ANK2: variants seen among roughly 807,000 people sequenced by gnomAD.
ANK2 encodes the protein ankyrin-2.
A neutral mutation model predicts 360.5 loss-of-function variants in ANK2; 83 were observed. The observed-to-expected ratio is 0.23, with a 90% CI of 0.19 to 0.28. The LOEUF is 0.28. ANK2 is among the 10% of genes least tolerant of loss of function. The probability of loss-of-function intolerance (pLI) is 1.00; values close to 1 mark genes in which losing one functional copy is unlikely to be tolerated. For synonymous variants in ANK2, 1,740 were observed against 1,759.5 expected (o/e 0.99, Z 0.28); for missense variants, 4,201 against 4,795.7 (o/e 0.88, Z 3.66).
intron 1 of ANK2, among the ~76,000 whole-genome samples, chr4:112,890,153 C>T (rs914327378): frequency 7.2e-5 from 11 of 152,274 alleles, no homozygotes; most frequent in Admixed American, 7.2e-4. Flanking sequence ...CTTTTTCTTC[C>T]TTTAAAAACA....
intron 1 of ANK2, among the ~76,000 whole-genome samples, chr4:112,857,949 TAACTC>T (rs771707170): frequency 6.6e-6 from 1 of 152,302 alleles, no homozygotes; most frequent in Admixed American, 6.5e-5. Flanking sequence ...AGCAAGGACT[TAACTC>T]AATAGGAAGT....
intron 1 of ANK2, among the ~76,000 whole-genome samples, chr4:113,142,221 T>C (rs181813863): frequency 6.6e-6 from 1 of 152,180 alleles, no homozygotes; most frequent in Non-Finnish European, 1.5e-5. Context: ...TTCCTTCAGT[T>C]TGACAAAATG....
chr4:113,050,494 T>A (rs1214774153), intron 1 of ANK2, among the ~76,000 whole-genome samples: 3 of 152,118 alleles, frequency 2.0e-5, no homozygotes, highest in African/African-American at 7.2e-5. Context: ...CACCCTCGAT[T>A]TTCATGGAAA....
At chr4:112,952,298 TA>T (rs1429662115) in intron 2 of ANK2, among the ~76,000 whole-genome samples, 1 of 152,228 alleles carries the variant, frequency 6.6e-6, no homozygotes, top group African/African-American at 2.4e-5. Context: ...GAGTGATGTT[TA>T]AAATGTATAT....
chr4:112,877,336 C>T (rs1227260162), intron 1 of ANK2, among the ~76,000 whole-genome samples: 1 of 152,152 alleles, frequency 6.6e-6, no homozygotes, highest in East Asian at 1.9e-4. Flanking sequence ...TTGCCTACTG[C>T]CTTTCTCTCT....
At chr4:112,791,723 A>G in the ANK2 span, among the ~76,000 whole-genome samples, 1 of 151,562 alleles carries the variant, frequency 6.6e-6, no homozygotes, top group East Asian at 1.9e-4. Context: ...CATCTCCTAG[A>G]CTTGTGATCC....
intron 2 of ANK2, among the ~76,000 whole-genome samples, chr4:112,991,009 T>C (rs2046547757): frequency 6.6e-6 from 1 of 152,148 alleles, no homozygotes; most frequent in South Asian, 2.1e-4. Flanking sequence ...CCCAGCACTT[T>C]GGGAGGCCAA....
rs147986566 is a variant in ANK2, at chr4:112,828,320, C to T, written c.-40+10056C>T. Among the ~76,000 whole-genome samples, 33 of 149,944 alleles carry T rather than the reference C, an allele frequency of 2.2e-4. No homozygotes were observed. In the East Asian group the frequency reaches 4.2e-3, roughly 19 times the overall value. ...TATAATCTTGGCTCACTGCAACCTC[C>T]GCCTCCTGGGTTCAAGCAATTCTCT... On this transcript the variant is annotated intron_variant, in intron 1 of 30. Transcript: ENST00000503271.
At chr4:113,142,291 C>G (rs2096661030) in intron 1 of ANK2, among the ~76,000 whole-genome samples, 1 of 152,142 alleles carries the variant, frequency 6.6e-6, no homozygotes, top group African/African-American at 2.4e-5. Flanking sequence ...TGGCAGCCAC[C>G]CTTGGTTAAC....
At chr4:113,379,693 T>C (rs866604353) in intron 45 of ANK2, among the ~76,000 whole-genome samples, 1 of 152,294 alleles carries the variant, frequency 6.6e-6, no homozygotes, top group Middle Eastern at 3.4e-3. Context: ...AGAACAAATT[T>C]AAGTTTGCTT....
intron 1 of ANK2, among the ~76,000 whole-genome samples, chr4:113,121,981 T>G (rs936249536): frequency 6.6e-6 from 1 of 152,172 alleles, no homozygotes; most frequent in Non-Finnish European, 1.5e-5. Flanking sequence ...GCAATGAAGA[T>G]TTTTAGAAGT....
the ANK2 span, among the ~76,000 whole-genome samples, chr4:112,779,776 T>G: frequency 6.6e-6 from 1 of 152,320 alleles, no homozygotes; most frequent in South Asian, 2.1e-4. Context: ...GAACATATCC[T>G]AAAGTAGGAG....
intron 22 of ANK2, 110 bp downstream of exon 22, chr4:113,293,648 CT>C: frequency 9.2e-7 from 1 of 1,081,742 alleles, no homozygotes; most frequent in Non-Finnish European, 1.4e-6. Flanking sequence ...TAGTTTTGAA[CT>C]TCTTTTTGTT....
intron 30 of ANK2, 189 bp from the exon 31 acceptor site, chr4:113,336,388 G>T: frequency 1.6e-6 from 1 of 625,380 alleles, no homozygotes; most frequent in Non-Finnish European, 2.7e-6. Context: ...AGAGATCGTG[G>T]ATCTTACAAA....
At chr4:112,732,765 T>A in the ANK2 span, among the ~76,000 whole-genome samples, 6 of 152,304 alleles carry the variant, frequency 3.9e-5, no homozygotes, top group Non-Finnish European at 8.8e-5. Context: ...AGAAAGAGCA[T>A]GAATCTATGC....
intron 2 of ANK2, among the ~76,000 whole-genome samples, chr4:112,956,306 A>G (rs1255430752): frequency 2.6e-5 from 4 of 152,214 alleles, no homozygotes; most frequent in African/African-American, 9.6e-5. Flanking sequence ...AATTCCATGG[A>G]TAGAACATTT....
chr4:112,979,013 T>C (rs1296564004), intron 2 of ANK2, among the ~76,000 whole-genome samples: 2 of 152,192 alleles, frequency 1.3e-5, no homozygotes, highest in Non-Finnish European at 2.9e-5. Flanking sequence ...AGCATAACAA[T>C]GTCACAGGAT....
intron 13 of ANK2, among the ~76,000 whole-genome samples, chr4:113,263,056 C>T (rs192639978): frequency 7.3e-4 from 111 of 151,416 alleles, no homozygotes; most frequent in Non-Finnish European, 1.6e-4. Flanking sequence ...GGCATGGTGG[C>T]GGGCACCTAT....
At chr4:113,229,934 T>C (rs1203434532) in intron 4 of ANK2, among the ~76,000 whole-genome samples, 1 of 152,200 alleles carries the variant, frequency 6.6e-6, no homozygotes, top group Non-Finnish European at 1.5e-5. Flanking sequence ...CTTTTTCTCT[T>C]ATTTTCATCC....
Sources: gnomAD v4.1 joint callset for allele counts (sites outside exome capture counted in the v4.1 genomes callset) on GRCh38, gnomAD v4.1.1 for gene constraint, MANE v1.5 for transcripts, NCBI Gene and HGNC (gene_info 2026-07-23, HGNC 2026-07-21) for gene names.